AGFG1: variants seen among roughly 807,000 people sequenced by gnomAD.
The protein encoded by AGFG1 is ArfGAP with FG repeats 1, also known as arf-GAP domain and FG repeat-containing protein 1.
Under a neutral mutation model 60.6 loss-of-function variants are expected in AGFG1, and 10 were observed. That is an observed-to-expected ratio of 0.16 (90% CI 0.10 to 0.28). The LOEUF (loss-of-function observed/expected upper bound fraction) is 0.28, where lower values mean the gene tolerates loss of function less well. Among genes scored for constraint, AGFG1 ranks in the 10% least tolerant of loss-of-function variants. The probability of loss-of-function intolerance (pLI) is 1.00; values close to 1 mark genes in which losing one functional copy is unlikely to be tolerated. For missense variants in AGFG1, 537 were observed against 676.5 expected (o/e 0.79, Z 2.29); for synonymous variants, 247 against 242.9 (o/e 1.02, Z -0.16).
Position 227,536,629 on chromosome 2 carries a change from G to A in AGFG1, c.1210G>A (p.Val404Ile), listed in dbSNP as rs756059279. The A allele has an allele frequency of 3.1e-6, 5 of 1,611,980 alleles. No individual in the cohort carries two copies. Among genetic ancestry groups the A allele is most frequent in the African/African-American group, 1.3e-5 (1 of 74,488 alleles). ...YTSTSNASSN[V>I]FGTVPVVASA... The stretch of plus-strand genomic sequence containing the variant: ...TCTTTCAATATTTGTTCTCAGCAAT[G>A]TTTTTGGAACAGTGCCAGTGGTTGC... The change falls in exon 9 of 13, where the codon GTT (valine) becomes ATT (isoleucine). Residue 404 changes from valine (V) to isoleucine (I), a missense_variant. Physicochemically the swap from Val to Ile is conservative, Grantham distance 29. Around this residue, in one of 4 missense-constraint regions of AGFG1, gnomAD observed 287 missense variants for 343.6 expected, o/e 0.84. Transcript: ENST00000310078.
chr2:227,528,520 T>C (rs1323062634), intron 5 of AGFG1, among the ~76,000 whole-genome samples: 1 of 152,196 alleles, frequency 6.6e-6, no homozygotes, highest in Non-Finnish European at 1.5e-5. Context: ...AAAGAGTTGG[T>C]GGGAGAGCCA....
intron 10 of AGFG1, among the ~76,000 whole-genome samples, chr2:227,546,663 T>C (rs922278010): frequency 1.1e-4 from 16 of 152,232 alleles, no homozygotes; most frequent in Non-Finnish European, 5.9e-5. Flanking sequence ...TAATATTACA[T>C]AGTAACTCTC....
At chr2:227,524,729 G>A (rs1211852634) in intron 4 of AGFG1, 33 bp from the exon 5 acceptor site, 6 of 1,607,688 alleles carry the variant, frequency 3.7e-6, no homozygotes, top group Admixed American at 3.3e-5. Context: ...AGATCCGACT[G>A]GAATATCTTT....
chr2:227,539,714 C>G (rs1336082720), intron 10 of AGFG1, among the ~76,000 whole-genome samples: 1 of 131,670 alleles, frequency 7.6e-6, no homozygotes, highest in East Asian at 2.2e-4. Context: ...CACCACACTT[C>G]AGCCTAGCTG....
chr2:227,510,092 C>T (rs1354776877), intron 2 of AGFG1, among the ~76,000 whole-genome samples: 1 of 152,074 alleles, frequency 6.6e-6, no homozygotes, highest in Non-Finnish European at 1.5e-5. Context: ...AATAATAAGT[C>T]TTAAATTTAT....
intron 1 of AGFG1, among the ~76,000 whole-genome samples, chr2:227,485,425 A>T (rs573004138): frequency 4.8e-4 from 68 of 140,640 alleles, no homozygotes; most frequent in African/African-American, 1.4e-3. Context: ...TTTTTTTTCC[A>T]GTAGAGATGG....
chr2:227,473,374 T>C (rs916182090), intron 1 of AGFG1, among the ~76,000 whole-genome samples: 1 of 152,132 alleles, frequency 6.6e-6, no homozygotes, highest in African/African-American at 2.4e-5. Context: ...CACTAGGAGC[T>C]GTGTGATTCT....
At chr2:227,506,089 C>T (rs1035410402) in intron 2 of AGFG1, among the ~76,000 whole-genome samples, 3 of 152,158 alleles carry the variant, frequency 2.0e-5, no homozygotes, top group African/African-American at 4.8e-5. Context: ...TAAGTTATTG[C>T]CTGCTTATTC....
intron 2 of AGFG1, 80 bp downstream of exon 2, chr2:227,491,720 A>C (rs1295018582): frequency 1.2e-6 from 1 of 821,298 alleles, no homozygotes; most frequent in Non-Finnish European, 1.9e-6. Context: ...AAGTTATTTA[A>C]AACGTTGAAT....
At chr2:227,538,836 C>T (rs989288963) in intron 10 of AGFG1, among the ~76,000 whole-genome samples, 1 of 151,902 alleles carries the variant, frequency 6.6e-6, no homozygotes, top group Non-Finnish European at 1.5e-5. Context: ...AAATGTACAA[C>T]GTATGTGCAG....
intron 1 of AGFG1, among the ~76,000 whole-genome samples, chr2:227,481,712 A>G (rs1407748651): frequency 6.6e-6 from 1 of 152,130 alleles, no homozygotes; most frequent in Non-Finnish European, 1.5e-5. Flanking sequence ...TTTATGAGGT[A>G]CACAAGATAG....
intron 12 of AGFG1, 22 bp downstream of exon 12, chr2:227,553,817 A>G: frequency 1.3e-6 from 2 of 1,532,498 alleles, no homozygotes; most frequent in East Asian, 4.5e-5. Context: ...TTAAAATTAA[A>G]TACTTTATAA....
In AGFG1 at chr2:227,536,934, C is replaced by T; in HGVS notation, c.1319C>T (p.Ala440Val). ...TCCACAAATCCATTTGTTGCTGCTG[C>T]TGGTCCTTCTGTGGCATCTTCTACA... ...TPSTNPFVAA[A>V]GPSVASSTNP... The change falls in exon 10 of 13, where the codon GCT (alanine) becomes GTT (valine). Residue 440 changes from alanine (A) to valine (V), a missense_variant. By Grantham distance (64) the Ala-to-Val change is moderately conservative. This residue lies in a region of AGFG1 where 287 missense variants were observed against 343.6 expected (regional missense o/e 0.84). Coordinates refer to ENST00000310078, the MANE Select transcript of AGFG1 (RefSeq NM_004504.5). 1 of 1,612,906 alleles carries T rather than the reference C, an allele frequency of 6.2e-7. No homozygotes were observed. Among genetic ancestry groups the T allele is most frequent in the South Asian group, 1.1e-5 (1 of 90,840 alleles).
chr2:227,508,238 A>T (rs2106191194), intron 2 of AGFG1: 1 of 156,324 alleles, frequency 6.4e-6, no homozygotes, highest in African/African-American at 2.4e-5. Flanking sequence ...ACAACAAGAC[A>T]ATAGAGTATC....
chr2:227,500,902 C>G (rs1347462073), intron 2 of AGFG1, among the ~76,000 whole-genome samples: 1 of 152,014 alleles, frequency 6.6e-6, no homozygotes, highest in Non-Finnish European at 1.5e-5. Flanking sequence ...AAGTGATTCT[C>G]CTGCCTTAGC....
At chr2:227,553,857 T>A in intron 12 of AGFG1, 62 bp downstream of exon 12, 1 of 1,233,422 alleles carries the variant, frequency 8.1e-7, no homozygotes, top group Non-Finnish European at 1.2e-6. Flanking sequence ...AAATTAGGAA[T>A]AGCAGGATGT....
chr2:227,541,691 T>A (rs528022382), intron 10 of AGFG1, among the ~76,000 whole-genome samples: 65 of 152,330 alleles, frequency 4.3e-4, no homozygotes, highest in South Asian at 3.3e-3. Flanking sequence ...TCTTTTTTGG[T>A]TCCATATGAA....
chr2:227,552,000 T>C lies in AGFG1; in HGVS notation c.1420T>C (p.Phe474Leu), dbSNP rs1220199605. ...GTASMSMPTG[F>L]GTPAPYSLPT... is the part of the protein sequence containing the mutation. The stretch of plus-strand genomic sequence containing the variant: ...TGCATCCATGAGCATGCCCACAGGA[T>C]TCGGCACTCCTGCTCCCTACAGTCT... Residue 474 changes from phenylalanine to leucine, a missense_variant, in exon 11 of 13, where the codon TTC becomes CTC. Phe to Leu is a conservative substitution (Grantham distance 22). Transcript: ENST00000310078. The C allele has an allele frequency of 6.2e-7, 1 of 1,614,196 alleles. No individual in the cohort carries two copies.
Position 227,472,545 on chromosome 2 carries a change from A to G in AGFG1, c.124A>G (p.Met42Val). ...CCAGCGCGGCCCCACCTACGTTAAC[A>G]TGACGGTCGGCTCCTTCGTGTGTAC... Reference protein sequence around the residue: ...CDQRGPTYVNMTVGSFVCTSC... With the variant: ...CDQRGPTYVNVTVGSFVCTSC... Residue 42 changes from methionine (M) to valine (V), a missense_variant, in exon 1 of 13, where the codon ATG (methionine) becomes GTG (valine). Met to Val is a conservative substitution (Grantham distance 21). Around this residue, in one of 4 missense-constraint regions of AGFG1, gnomAD observed 120 missense variants for 198.5 expected, o/e 0.60. Coordinates refer to ENST00000310078, the MANE Select transcript of AGFG1 (RefSeq NM_004504.5). 1 of 1,581,308 alleles carries G rather than the reference A, an allele frequency of 6.3e-7. No homozygotes were observed.
Sources: gnomAD v4.1 joint callset for allele counts (sites outside exome capture counted in the v4.1 genomes callset) on GRCh38, gnomAD v4.1.1 for gene constraint, gnomAD v4.1.1 regional missense constraint, MANE v1.5 for transcripts, NCBI Gene and HGNC (gene_info 2026-07-23, HGNC 2026-07-21) for gene names.